Variants in EIF2AK4 observed in about 807,000 individuals in gnomAD.
The protein encoded by EIF2AK4 is eukaryotic translation initiation factor 2 alpha kinase 4.
EIF2AK4 carries 139 observed loss-of-function variants against 211.1 expected under a neutral mutation model. That is an observed-to-expected ratio of 0.66 (90% CI 0.57 to 0.76). EIF2AK4 has a LOEUF of 0.76. Among genes scored for constraint, EIF2AK4 ranks in the 30% least tolerant of loss-of-function variants. EIF2AK4 has a pLI of 0.00. For synonymous variants in EIF2AK4, 710 were observed against 751.3 expected, an observed-to-expected ratio of 0.94 and a Z score of 0.90; for missense variants, 1,664 against 2,043.8, an observed-to-expected ratio of 0.81 and a Z score of 3.58.
intron 5 of EIF2AK4, among the ~76,000 whole-genome samples, chr15:39,955,151 C>T (rs1192868956): frequency 6.6e-6 from 1 of 152,210 alleles, no homozygotes; most frequent in African/African-American, 2.4e-5. Context: ...CTCCCTTCTT[C>T]TGTTCATCTC....
intron 12 of EIF2AK4, chr15:39,977,117 C>T: frequency 8.3e-6 from 3 of 362,608 alleles, no homozygotes; most frequent in Non-Finnish European, 9.7e-6. Context: ...GAAATCCAGA[C>T]GTGTTGACCA....
At chr15:39,981,305 G>A (rs1056119257) in intron 13 of EIF2AK4, among the ~76,000 whole-genome samples, 1 of 152,064 alleles carries the variant, frequency 6.6e-6, no homozygotes, top group African/African-American at 2.4e-5. Flanking sequence ...AGGAGGCAGA[G>A]GTTACAGTGA....
intron 18 of EIF2AK4, among the ~76,000 whole-genome samples, chr15:39,993,701 A>G (rs1274732526): frequency 6.6e-6 from 1 of 152,256 alleles, no homozygotes; most frequent in Non-Finnish European, 1.5e-5. Flanking sequence ...GAAAGATCAC[A>G]CAGAGCCAGG....
chr15:39,939,006 C>T (rs1477510526), intron 1 of EIF2AK4, among the ~76,000 whole-genome samples: 1 of 152,180 alleles, frequency 6.6e-6, no homozygotes, highest in Non-Finnish European at 1.5e-5. Flanking sequence ...GTTAATATCT[C>T]AGTATTCAGA....
chr15:40,029,344 A>G lies in EIF2AK4; in HGVS notation c.4503-62A>G, dbSNP rs2035507657. 5 of 1,593,598 alleles carry G rather than the reference A, an allele frequency of 3.1e-6. No homozygotes were observed. The South Asian group carries it at 5.7e-5, about 18-fold the overall frequency. ...CTCACTATACATGTAGTTCACTGTAAGTTATGTGTTGCTTGTGCCTTATTG... is the reference window on the plus strand; with the variant it reads ...CTCACTATACATGTAGTTCACTGTAGGTTATGTGTTGCTTGTGCCTTATTG... On this transcript the variant is annotated intron_variant, in intron 33 of 38. Transcript: ENST00000263791.
intron 33 of EIF2AK4, 151 bp from the exon 34 acceptor site, chr15:40,029,255 A>G: frequency 7.3e-7 from 1 of 1,366,644 alleles, no homozygotes; most frequent in African/African-American, 1.5e-5. Flanking sequence ...CTAAATGCAA[A>G]TTTTTTGTTT....
intron 30 of EIF2AK4, among the ~76,000 whole-genome samples, chr15:40,019,896 A>G (rs564372713): frequency 8.5e-5 from 13 of 152,322 alleles, no homozygotes; most frequent in African/African-American, 3.1e-4. Context: ...ATGGTGGCTC[A>G]TGCCTATAAT....
rs57323541 is a variant in EIF2AK4 at position 40,020,721 on chromosome 15, CT to C, written c.4174-162del. 0.32 allele frequency: 95,205 copies of C among 293,872 alleles called. 6,157 individuals are homozygous for C. The highest frequency in any genetic ancestry group is 0.4 in the East Asian group (6,979 of 17,294). 18.2% of individuals were successfully genotyped at this position (293,872 alleles called of 1,614,324 possible). Reference sequence around the variant, plus strand: ...AAAAGAAAAAGTTGTTTGAGTGTGTCTTTTTTTTTTTTTTTTACAATGTGTT... The same window carrying C: ...AAAAGAAAAAGTTGTTTGAGTGTGTCTTTTTTTTTTTTTTTACAATGTGTT... On this transcript the variant is annotated intron_variant, in intron 30 of 38. Coordinates refer to ENST00000263791, the MANE Select transcript of EIF2AK4 (RefSeq NM_001013703.4).
intron 4 of EIF2AK4, among the ~76,000 whole-genome samples, chr15:39,950,257 A>G (rs376387020): frequency 6.6e-6 from 1 of 152,224 alleles, no homozygotes; most frequent in East Asian, 1.9e-4. Context: ...CAGAAGACAG[A>G]TAACATTAAA....
chr15:39,977,072 A>G (rs1473515892), intron 12 of EIF2AK4: 3 of 432,664 alleles, frequency 6.9e-6, no homozygotes, highest in African/African-American at 6.2e-5. Flanking sequence ...ATTAATCCCC[A>G]CCAAGTCCAA....
At chr15:40,031,647 G>A (rs1408772525) in intron 35 of EIF2AK4, among the ~76,000 whole-genome samples, 1 of 152,014 alleles carries the variant, frequency 6.6e-6, no homozygotes, top group Non-Finnish European at 1.5e-5. Flanking sequence ...TTAAACAAAT[G>A]GTCAAGATAA....
At chr15:39,982,923 A>G (rs1347078426) in intron 13 of EIF2AK4, among the ~76,000 whole-genome samples, 1 of 152,050 alleles carries the variant, frequency 6.6e-6, no homozygotes, top group African/African-American at 2.4e-5. Context: ...TATGTGCCAC[A>G]TTTTCTTTAT....
intron 3 of EIF2AK4, among the ~76,000 whole-genome samples, chr15:39,944,703 G>A (rs2034202493): frequency 2.0e-5 from 3 of 152,128 alleles, no homozygotes; most frequent in African/African-American, 7.2e-5. Context: ...AAAGTGCTGG[G>A]ATTACAGGCG....
At chr15:39,972,748 A>G (rs1182699227) in intron 9 of EIF2AK4, among the ~76,000 whole-genome samples, 160 bp from the exon 10 acceptor site, 7 of 152,200 alleles carry the variant, frequency 4.6e-5, no homozygotes, top group Admixed American at 4.6e-4. Flanking sequence ...AGGAATGTTT[A>G]TTAATTTAAA....
intron 7 of EIF2AK4, among the ~76,000 whole-genome samples, chr15:39,964,620 A>G (rs2034518412): frequency 6.6e-6 from 1 of 152,210 alleles, no homozygotes; most frequent in African/African-American, 2.4e-5. Flanking sequence ...TTATGGGGTA[A>G]AGGAGAATAG....
intron 6 of EIF2AK4, among the ~76,000 whole-genome samples, chr15:39,961,467 A>G (rs1416729956): frequency 6.6e-6 from 1 of 152,228 alleles, no homozygotes; most frequent in Non-Finnish European, 1.5e-5. Flanking sequence ...TGGCTACTGC[A>G]CATGAGCTGA....
chr15:40,022,963 G>A (rs918936030), intron 32 of EIF2AK4, among the ~76,000 whole-genome samples: 3 of 152,148 alleles, frequency 2.0e-5, no homozygotes, highest in Admixed American at 6.5e-5. Flanking sequence ...TCCTGACCTC[G>A]TGATCTGCCC....
intron 16 of EIF2AK4, 183 bp from the exon 17 acceptor site, chr15:39,991,992 G>C: frequency 2.0e-6 from 1 of 509,120 alleles, no homozygotes; most frequent in East Asian, 3.0e-5. Flanking sequence ...ATTTCATTGG[G>C]TTTTCTGAGA....
At chr15:39,986,890 G>C (rs1003592944) in intron 14 of EIF2AK4, among the ~76,000 whole-genome samples, 1 of 150,078 alleles carries the variant, frequency 6.7e-6, no homozygotes, top group African/African-American at 2.5e-5. Context: ...CAAAAACAAA[G>C]AAGTCTTTCC....
Sources: allele counts gnomAD v4.1 joint callset (sites outside exome capture counted in the v4.1 genomes callset), GRCh38; gene constraint gnomAD v4.1.1; transcripts MANE v1.5; gene names NCBI Gene and HGNC (gene_info 2026-07-23, HGNC 2026-07-21).